CCSER1: variants seen among roughly 807,000 people sequenced by gnomAD.
CCSER1 encodes serine-rich coiled-coil domain-containing protein 1.
Under a neutral mutation model 82.0 loss-of-function variants are expected in CCSER1, and 41 were observed. The ratio of observed to expected loss-of-function variants is 0.50; its 90% CI spans 0.39 to 0.65. CCSER1 has a LOEUF of 0.65. Among genes scored for constraint, CCSER1 ranks in the 30% least tolerant of loss-of-function variants. The pLI, the probability that CCSER1 is intolerant of heterozygous loss-of-function variation, is 0.00. For missense variants in CCSER1, 1,119 were observed against 1,064.2 expected (o/e 1.05, Z -0.72); for synonymous variants, 414 against 383.9 (o/e 1.08, Z -0.92).
At position 90,750,133 on chromosome 4, in the gene CCSER1, G is replaced by A. The variant is rs958748988; in HGVS notation, c.2010+26142G>A. ...TCATGTCCTTCGCCCACTTTTTGAT[G>A]GGGTTGTTTGTTTTTTTCTTGTAAA... On this transcript the variant is annotated intron_variant, in intron 7 of 10. Coordinates refer to ENST00000509176, the MANE Select transcript of CCSER1 (RefSeq NM_001145065.2). Among the ~76,000 whole-genome samples the A allele has an allele frequency of 1.4e-4, 22 of 151,738 alleles. 2 individuals are homozygous for A. The highest frequency in any genetic ancestry group is 4.4e-5 in the Non-Finnish European group (3 of 67,900).
intron 1 of CCSER1, among the ~76,000 whole-genome samples, chr4:90,270,917 G>C (rs559967331): frequency 1.4e-4 from 21 of 151,890 alleles, no homozygotes; most frequent in Non-Finnish European, 3.0e-5. Flanking sequence ...TAAATACTTA[G>C]GAATTAATGT....
At chr4:91,216,637 AT>A (rs977478352) in intron 10 of CCSER1, among the ~76,000 whole-genome samples, 48 of 152,144 alleles carry the variant, frequency 3.2e-4, no homozygotes, top group Admixed American at 2.2e-3. Context: ...TCTTATTGTT[AT>A]TTTTTTATGT....
chr4:91,115,806 C>CTTTTTTTTT (rs527629667), intron 10 of CCSER1, among the ~76,000 whole-genome samples: 3 of 101,558 alleles, frequency 3.0e-5, no homozygotes, highest in Non-Finnish European at 5.7e-5. Flanking sequence ...CTAGCTTTTT[C>CTTTTTTTTT]TTTTTTTTTT....
intron 1 of CCSER1, among the ~76,000 whole-genome samples, chr4:90,271,692 A>G (rs559551815): frequency 6.6e-6 from 1 of 151,326 alleles, no homozygotes; most frequent in African/African-American, 2.4e-5. Flanking sequence ...ACAATCAACA[A>G]TGTAAAGAGA....
At chr4:91,216,027 C>T (rs1182217914) in intron 10 of CCSER1, among the ~76,000 whole-genome samples, 2 of 152,152 alleles carry the variant, frequency 1.3e-5, no homozygotes, top group Admixed American at 6.5e-5. Flanking sequence ...GAATCTCATA[C>T]ACTTTGTCCT....
intron 10 of CCSER1, among the ~76,000 whole-genome samples, chr4:91,447,370 C>T (rs565972974): frequency 8.0e-6 from 1 of 125,312 alleles, no homozygotes; most frequent in African/African-American, 3.2e-5. Flanking sequence ...GGCTTTGTCA[C>T]TTATTATCTT....
At position 90,309,593 on chromosome 4, in the gene CCSER1, G is replaced by A; in HGVS notation, c.1309G>A (p.Ala437Thr). 1 of 1,581,294 alleles carries A rather than the reference G, an allele frequency of 6.3e-7. No individual in the cohort carries two copies. Among genetic ancestry groups the A allele is most frequent in the Non-Finnish European group, 8.6e-7 (1 of 1,166,346 alleles). The change falls in exon 2 of 11, where the codon GCA becomes ACA. Residue 437 changes from alanine (A) to threonine (T), a missense_variant. Ala to Thr is a moderately conservative substitution (Grantham distance 58). Coordinates refer to ENST00000509176, the MANE Select transcript of CCSER1 (RefSeq NM_001145065.2). Reference protein sequence around the residue: ...IFNKTSHGYEANPAKVLASSL... With the variant: ...IFNKTSHGYETNPAKVLASSL... ...TAACAAAACATCACATGGATATGAAGCAAATCCTGCCAAAGGTATGCTGAT... is the reference window on the plus strand; with the variant it reads ...TAACAAAACATCACATGGATATGAAACAAATCCTGCCAAAGGTATGCTGAT...
At chr4:90,775,277 T>C (rs1272379710) in intron 7 of CCSER1, among the ~76,000 whole-genome samples, 1 of 152,192 alleles carries the variant, frequency 6.6e-6, no homozygotes, top group Middle Eastern at 3.2e-3. Context: ...AATGTCAAAG[T>C]ATAATAATAA....
intron 10 of CCSER1, among the ~76,000 whole-genome samples, chr4:91,422,774 G>A (rs922456251): frequency 6.6e-6 from 1 of 152,054 alleles, no homozygotes; most frequent in African/African-American, 2.4e-5. Context: ...CCAAAAAGAA[G>A]CAAAGCATAT....
intron 7 of CCSER1, among the ~76,000 whole-genome samples, chr4:90,729,880 A>G (rs2149398101): frequency 6.6e-6 from 1 of 152,290 alleles, no homozygotes; most frequent in African/African-American, 2.4e-5. Context: ...CATCTCAAAA[A>G]ATAAATAAAA....
intron 10 of CCSER1, among the ~76,000 whole-genome samples, chr4:91,309,788 A>G (rs1439759878): frequency 2.6e-5 from 4 of 151,996 alleles, no homozygotes; most frequent in Non-Finnish European, 5.9e-5. Context: ...TATGAGGAAT[A>G]TCTTGCCAAT....
intron 10 of CCSER1, among the ~76,000 whole-genome samples, chr4:91,429,559 A>C (rs1451670652): frequency 6.6e-6 from 1 of 151,608 alleles, no homozygotes; most frequent in African/African-American, 2.4e-5. Context: ...TTAAGAAAGC[A>C]AGAGTGAGAA....
intron 6 of CCSER1, among the ~76,000 whole-genome samples, chr4:90,639,308 ATAAAAT>A (rs1282989241): frequency 6.6e-6 from 1 of 151,824 alleles, no homozygotes; most frequent in African/African-American, 2.4e-5. Flanking sequence ...ATAATTTTTA[ATAAAAT>A]TAAAATAATT....
chr4:90,543,602 A>C (rs1776373117), intron 5 of CCSER1, among the ~76,000 whole-genome samples: 1 of 152,168 alleles, frequency 6.6e-6, no homozygotes, highest in African/African-American at 2.4e-5. Flanking sequence ...CCCATGACAG[A>C]GTCCATTGCA....
At chr4:90,975,936 C>A (rs143903648) in intron 9 of CCSER1, among the ~76,000 whole-genome samples, 46 of 151,086 alleles carry the variant, frequency 3.0e-4, no homozygotes, top group Middle Eastern at 6.9e-3. Context: ...TGAAAAGAGA[C>A]CTTTACTGGG....
At chr4:90,245,029 T>A (rs1261888870) in intron 1 of CCSER1, among the ~76,000 whole-genome samples, 1 of 152,130 alleles carries the variant, frequency 6.6e-6, no homozygotes, top group Non-Finnish European at 1.5e-5. Flanking sequence ...TCTCTTCATG[T>A]AAGGTTTTTA....
At chr4:90,871,677 C>T (rs72881363) in intron 8 of CCSER1, among the ~76,000 whole-genome samples, 1,714 of 151,760 alleles carry the variant, frequency 0.011, 17 homozygotes, top group African/African-American at 0.032. Flanking sequence ...TCTATTAGGC[C>T]CATTTGGTCT....
intron 4 of CCSER1, among the ~76,000 whole-genome samples, chr4:90,424,229 GCTGT>G (rs1414809677): frequency 2.0e-5 from 3 of 151,822 alleles, no homozygotes; most frequent in Non-Finnish European, 2.9e-5. Flanking sequence ...TGCAAGTAAT[GCTGT>G]CTTAGTTCCA....
intron 8 of CCSER1, among the ~76,000 whole-genome samples, chr4:90,875,139 C>T (rs979786807): frequency 7.2e-5 from 11 of 152,092 alleles, no homozygotes; most frequent in East Asian, 3.9e-4. Context: ...AGTATGTTCC[C>T]GAGTGCTTGA....
Sources: allele counts gnomAD v4.1 joint callset (sites outside exome capture counted in the v4.1 genomes callset), GRCh38; gene constraint gnomAD v4.1.1; transcripts MANE v1.5; gene names NCBI Gene and HGNC (gene_info 2026-07-23, HGNC 2026-07-21).